The following LOC128462377 variants were observed in gnomAD, a reference collection of about 807,000 sequenced individuals.
chr16:89,375,035 T>C, the LOC128462377 span, among the ~76,000 whole-genome samples: 1 of 152,080 alleles, frequency 6.6e-6, no homozygotes, highest in Admixed American at 6.5e-5. Flanking sequence ...TAAACGCTTA[T>C]AAATACTTAC....
the LOC128462377 span, among the ~76,000 whole-genome samples, chr16:89,375,779 A>C: frequency 6.6e-6 from 1 of 151,472 alleles, no homozygotes; most frequent in Admixed American, 6.6e-5. Context: ...AAAAAAAAAA[A>C]AAAAAAAAAA....
chr16:89,404,828 C>T, the LOC128462377 span, among the ~76,000 whole-genome samples: 4 of 152,252 alleles, frequency 2.6e-5, no homozygotes, highest in South Asian at 4.1e-4. Context: ...GCCACCTTGA[C>T]GCTGAATGTA....
At chr16:89,367,283 C>A in the LOC128462377 span, among the ~76,000 whole-genome samples, 1 of 152,196 alleles carries the variant, frequency 6.6e-6, no homozygotes, top group Non-Finnish European at 1.5e-5. Flanking sequence ...AGACTCCTGC[C>A]GCAGGGGCCA....
the LOC128462377 span, chr16:89,323,116 T>C: frequency 3.0e-6 from 1 of 331,262 alleles, no homozygotes; most frequent in Non-Finnish European, 5.9e-6. Context: ...CTGCCGGCTG[T>C]TGTGCGCTCC....
the LOC128462377 span, among the ~76,000 whole-genome samples, chr16:89,384,860 C>T: frequency 1.6e-5 from 2 of 122,708 alleles, no homozygotes; most frequent in Non-Finnish European, 1.7e-5. Context: ...TGTGGGAGCA[C>T]ACAATGAGAA....
the LOC128462377 span, among the ~76,000 whole-genome samples, chr16:89,335,639 G>A: frequency 1.3e-5 from 2 of 152,206 alleles, no homozygotes; most frequent in African/African-American, 2.4e-5. Context: ...CACAAGCTGA[G>A]GTAAGATGAC....
chr16:89,361,697 TAGA>T, the LOC128462377 span: 6 of 152,130 alleles, frequency 3.9e-5, no homozygotes, highest in Admixed American at 3.9e-4. Context: ...CACCAATCAG[TAGA>T]AGATCACCAC....
chr16:89,375,531 C>T, the LOC128462377 span, among the ~76,000 whole-genome samples: 6 of 151,860 alleles, frequency 4.0e-5, no homozygotes, highest in African/African-American at 9.7e-5. Flanking sequence ...ACGATCTTGG[C>T]TCGCTGCAAC....
the LOC128462377 span, among the ~76,000 whole-genome samples, chr16:89,331,739 G>A: frequency 1.3e-5 from 2 of 152,180 alleles, no homozygotes; most frequent in Non-Finnish European, 2.9e-5. Context: ...TCCTGCCTCA[G>A]CCTCCCAAAA....
chr16:89,375,089 C>T, the LOC128462377 span, among the ~76,000 whole-genome samples: 7 of 151,954 alleles, frequency 4.6e-5, no homozygotes, highest in Admixed American at 2.6e-4. Flanking sequence ...CGTAAACAAA[C>T]GTAACGTCGC....
At chr16:89,354,833 G>A in the LOC128462377 span, among the ~76,000 whole-genome samples, 2 of 151,436 alleles carry the variant, frequency 1.3e-5, no homozygotes, top group South Asian at 2.1e-4. Flanking sequence ...GTTGCAGTGA[G>A]CCGAGATCAC....
chr16:89,354,158 G>T, the LOC128462377 span, among the ~76,000 whole-genome samples: 118 of 147,952 alleles, frequency 8.0e-4, no homozygotes, highest in African/African-American at 2.8e-3. Flanking sequence ...ACAGATGGAG[G>T]AAAGTATACC....
the LOC128462377 span, among the ~76,000 whole-genome samples, chr16:89,376,246 A>G: frequency 6.6e-6 from 1 of 152,310 alleles, no homozygotes; most frequent in Admixed American, 6.5e-5. Flanking sequence ...ACAACAACTG[A>G]AAGTAAAAGG....
At chr16:89,327,455 G>A in the LOC128462377 span, among the ~76,000 whole-genome samples, 8 of 152,144 alleles carry the variant, frequency 5.3e-5, no homozygotes, top group African/African-American at 1.7e-4. Context: ...TGGTGTAAGT[G>A]TCCATGTCGA....
At chr16:89,358,811 T>C in the LOC128462377 span, among the ~76,000 whole-genome samples, 6 of 151,926 alleles carry the variant, frequency 3.9e-5, no homozygotes, top group African/African-American at 1.5e-4. Flanking sequence ...ATTTCAGTTA[T>C]AGTTTGTTTT....
the LOC128462377 span, among the ~76,000 whole-genome samples, chr16:89,376,722 C>T: frequency 2.0e-5 from 3 of 152,138 alleles, no homozygotes; most frequent in Non-Finnish European, 2.9e-5. Context: ...TACAGGCGTG[C>T]GCCACCACGC....
the LOC128462377 span, among the ~76,000 whole-genome samples, chr16:89,330,244 T>C: frequency 6.6e-6 from 1 of 152,052 alleles, no homozygotes; most frequent in Admixed American, 6.5e-5. Context: ...CACAAAGCAT[T>C]TGTCAACAAT....
At chr16:89,402,262 G>T in the LOC128462377 span, among the ~76,000 whole-genome samples, 1 of 152,152 alleles carries the variant, frequency 6.6e-6, no homozygotes, top group African/African-American at 2.4e-5. Context: ...TACACGTGAC[G>T]TACGCCAGTT....
At chr16:89,414,093 C>T in the LOC128462377 span, among the ~76,000 whole-genome samples, 1 of 152,208 alleles carries the variant, frequency 6.6e-6, no homozygotes, top group Non-Finnish European at 1.5e-5. Context: ...GCTCGGACTG[C>T]GCACTCGGGG....
Sources: gnomAD v4.1 joint callset for allele counts (sites outside exome capture counted in the v4.1 genomes callset) on GRCh38, gnomAD v4.1.1 for gene constraint, MANE v1.5 for transcripts.